Variants in DNAJC24 observed in about 807,000 individuals in gnomAD.
DNAJC24 encodes DnaJ heat shock protein family (Hsp40) member C24.
DNAJC24 carries 17 observed loss-of-function variants against 18.0 expected under a neutral mutation model. The observed-to-expected ratio is 0.94, with a 90% CI of 0.65 to 1.42. The LOEUF (loss-of-function observed/expected upper bound fraction) is 1.42, where lower values mean the gene tolerates loss of function less well. Ranked by LOEUF, DNAJC24 falls within the 40% of genes most tolerant of loss-of-function variation. The pLI is 0.00. For synonymous variants in DNAJC24, 55 were observed against 57.7 expected (o/e 0.95, Z 0.21); for missense variants, 158 against 175.6 (o/e 0.90, Z 0.57).
rs1274656041 is a variant in DNAJC24, at chr11:31,430,424, T to G, written c.*23T>G. The G allele has an allele frequency of 6.3e-7, 1 of 1,594,854 alleles. No individual in the cohort carries two copies. The highest frequency in any genetic ancestry group is 8.6e-7 in the Non-Finnish European group (1 of 1,168,268). ...TAAAATTGTTCACAACTTGAAATGC[T>G]TTAACTGTGGTATTGAGACATGATG... On this transcript the variant is annotated 3_prime_UTR_variant, in exon 5 of 5. Transcript: ENST00000465995.
At chr11:31,392,160 A>T in intron 2 of DNAJC24, among the ~76,000 whole-genome samples, 1 of 152,182 alleles carries the variant, frequency 6.6e-6, no homozygotes, top group East Asian at 1.9e-4. Flanking sequence ...AAATAGAGCT[A>T]GATAGAATGA....
rs534662449 is a variant in DNAJC24, at chr11:31,376,389, C to T, written c.111+5530C>T. Among the ~76,000 whole-genome samples the T allele has an allele frequency of 5.2e-4, 79 of 152,148 alleles. No individual in the cohort carries two copies. In the South Asian group the frequency reaches 0.014, roughly 26 times the overall value. ...CAGTGGTCCTTATATTACAGTTCAG[C>T]GCAATAATTTATAATCATAATTATG... On this transcript the variant is annotated intron_variant, in intron 2 of 4. Coordinates refer to ENST00000465995, the MANE Select transcript of DNAJC24 (RefSeq NM_181706.5).
At chr11:31,403,444 A>G (rs559385620) in intron 2 of DNAJC24, among the ~76,000 whole-genome samples, 1 of 152,210 alleles carries the variant, frequency 6.6e-6, no homozygotes, top group South Asian at 2.1e-4. Flanking sequence ...AAGTATATAC[A>G]TTGATTTGGC....
At chr11:31,414,722 T>C in intron 2 of DNAJC24, 89 bp from the exon 3 acceptor site, 1 of 1,384,086 alleles carries the variant, frequency 7.2e-7, no homozygotes, top group Admixed American at 2.2e-5. Flanking sequence ...ATTACCTTCT[T>C]AACTAAAGCT....
Position 31,432,382 on chromosome 11 carries a change from A to C in DNAJC24, c.*1981A>C. ...GTGTTGAATATTCTTTACATTTAAC[A>C]ATTAAAAACAACTAAAACTGAATAG... On this transcript the variant is annotated 3_prime_UTR_variant, in exon 5 of 5. Transcript: ENST00000465995. The C allele has an allele frequency of 1.5e-6, 1 of 648,136 alleles. No individual in the cohort carries two copies. Among genetic ancestry groups the C allele is most frequent in the African/African-American group, 1.8e-5 (1 of 54,724 alleles). 40.1% of individuals were successfully genotyped at this position (648,136 alleles called of 1,614,324 possible).
chr11:31,371,562 T>A (rs1952254563), intron 2 of DNAJC24, among the ~76,000 whole-genome samples: 1 of 151,994 alleles, frequency 6.6e-6, no homozygotes, highest in Admixed American at 6.6e-5. Context: ...AAACTCCCTG[T>A]CTGATAATTC....
Position 31,414,808 on chromosome 11 carries a change from C to A in DNAJC24, c.112-3C>A. The A allele has an allele frequency of 6.2e-7, 1 of 1,611,340 alleles. No homozygotes were observed. Among genetic ancestry groups the A allele is most frequent in the Non-Finnish European group, 8.5e-7 (1 of 1,178,672 alleles). On this transcript the variant is annotated splice_region_variant and splice_polypyrimidine_tract_variant and intron_variant, in intron 2 of 4. Transcript: ENST00000465995. ...CCCCTGCACCCTTCTTTTTGATTGG[C>A]AGTATCATCCAGATAAACAAAGTAC...
intron 2 of DNAJC24, among the ~76,000 whole-genome samples, chr11:31,392,531 T>C (rs1038999947): frequency 6.6e-6 from 1 of 152,062 alleles, no homozygotes; most frequent in Non-Finnish European, 1.5e-5. Context: ...TGATATTCTA[T>C]CTTAAAAATA....
intron 2 of DNAJC24, among the ~76,000 whole-genome samples, chr11:31,391,394 A>G (rs771901373): frequency 1.3e-5 from 2 of 152,212 alleles, no homozygotes; most frequent in Non-Finnish European, 2.9e-5. Context: ...ACCAGAATGT[A>G]TAAGGAGCTT....
chr11:31,380,912 C>G (rs915003056), intron 2 of DNAJC24, among the ~76,000 whole-genome samples: 1 of 151,992 alleles, frequency 6.6e-6, no homozygotes, highest in African/African-American at 2.4e-5. Context: ...CTTTAATGAA[C>G]CATATTAGTA....
In DNAJC24 at chr11:31,405,382, T is replaced by TC. The variant is rs1319799151; in HGVS notation, c.112-9429_112-9428insC. Among the ~76,000 whole-genome samples the TC allele has an allele frequency of 1.3e-4, 20 of 151,974 alleles. No individual in the cohort carries two copies. In the East Asian group the frequency reaches 3.9e-3, roughly 29 times the overall value. On this transcript the variant is annotated intron_variant, in intron 2 of 4. Coordinates refer to ENST00000465995, the MANE Select transcript of DNAJC24 (RefSeq NM_181706.5). ...ACCGCACCCAGCCAGGAATTTTTTTTTTTTTTTTTTTAAGGATTCGGCCTT... is the reference window on the plus strand; with the variant it reads ...ACCGCACCCAGCCAGGAATTTTTTTTCTTTTTTTTTTTAAGGATTCGGCCTT...
intron 2 of DNAJC24, among the ~76,000 whole-genome samples, chr11:31,392,011 TAC>T (rs1291128853): frequency 2.0e-5 from 3 of 152,176 alleles, no homozygotes; most frequent in African/African-American, 7.2e-5. Context: ...ATACAAACTT[TAC>T]ATGTTTTTAC....
Position 31,410,598 on chromosome 11 carries a change from T to C in DNAJC24, c.112-4213T>C, listed in dbSNP as rs368077362. On this transcript the variant is annotated intron_variant, in intron 2 of 4. Transcript: ENST00000465995. ...TGCTTTTTATTTTCTGTCAAAGCAC[T>C]GTGTGCCTACCCTAAGAGGCAAAGA... Among the ~76,000 whole-genome samples the C allele has an allele frequency of 2.6e-5, 4 of 152,370 alleles. No homozygotes were observed. The East Asian group carries it at 7.7e-4, about 29-fold the overall frequency.
At position 31,373,137 on chromosome 11, in the gene DNAJC24, A is replaced by G. The variant is rs1259066220; in HGVS notation, c.111+2278A>G. On this transcript the variant is annotated intron_variant, in intron 2 of 4. Coordinates refer to ENST00000465995, the MANE Select transcript of DNAJC24 (RefSeq NM_181706.5). ...ATTTTCTCCTAGTCTGTGATTTACC[A>G]GGTCATTTTCTTAATGGTGTCTTTT... is the stretch of plus-strand genomic sequence containing the variant. 3.0e-5 allele frequency among the ~76,000 whole-genome samples: 4 copies of G among 134,570 alleles called. 1 individual carries two copies. Among genetic ancestry groups the G allele is most frequent in the Non-Finnish European group, 5.1e-5 (3 of 58,274 alleles). 88.3% of individuals were successfully genotyped at this position (134,570 alleles called of 152,430 possible).
chr11:31,382,959 C>T (rs768258609), intron 2 of DNAJC24, among the ~76,000 whole-genome samples: 18 of 152,114 alleles, frequency 1.2e-4, no homozygotes, highest in African/African-American at 1.7e-4. Flanking sequence ...TTTGCTGAAG[C>T]AGCTTACAGA....
chr11:31,403,592 C>G (rs1952623718), intron 2 of DNAJC24, among the ~76,000 whole-genome samples: 1 of 152,092 alleles, frequency 6.6e-6, no homozygotes, highest in African/African-American at 2.4e-5. Context: ...TTAGGTGTGT[C>G]CCATGGGCAT....
intron 2 of DNAJC24, chr11:31,408,373 T>C (rs1022187642): frequency 5.5e-6 from 2 of 361,616 alleles, no homozygotes; most frequent in African/African-American, 4.3e-5. Flanking sequence ...TCTCAGATGA[T>C]GCTGATGCTG....
intron 2 of DNAJC24, among the ~76,000 whole-genome samples, chr11:31,385,544 C>T (rs1462589827): frequency 6.6e-6 from 1 of 152,160 alleles, no homozygotes; most frequent in Non-Finnish European, 1.5e-5. Context: ...TGATTGACTC[C>T]AATCCCCCTG....
At chr11:31,421,863 GA>G (rs570683780) in intron 3 of DNAJC24, 1 of 281,454 alleles carries the variant, frequency 3.6e-6, no homozygotes, top group South Asian at 3.2e-5. Context: ...ATGACCCAGC[GA>G]GAGCTCTAGT....
Sources: gnomAD v4.1 joint callset for allele counts (sites outside exome capture counted in the v4.1 genomes callset) on GRCh38, gnomAD v4.1.1 for gene constraint, MANE v1.5 for transcripts, NCBI Gene and HGNC (gene_info 2026-07-23, HGNC 2026-07-21) for gene names.